The following SUGCT variants were observed in gnomAD, a reference collection of about 807,000 sequenced individuals.
SUGCT encodes succinyl-CoA:glutarate-CoA transferase.
Under a neutral mutation model 55.0 loss-of-function variants are expected in SUGCT, and 41 were observed. The ratio of observed to expected loss-of-function variants is 0.74; its 90% CI spans 0.58 to 0.97. The LOEUF is 0.97. Ranked by LOEUF, SUGCT falls within the 50% of genes least tolerant of loss-of-function variation. The pLI is 0.00. For synonymous variants in SUGCT, 187 were observed against 200.4 expected (o/e 0.93, Z 0.56); for missense variants, 568 against 547.8 (o/e 1.04, Z -0.37).
At position 40,318,608 on chromosome 7, in the gene SUGCT, T is replaced by C. The variant is rs1410175223; in HGVS notation, c.816+1753T>C. 2.6e-5 allele frequency among the ~76,000 whole-genome samples: 4 copies of C among 152,320 alleles called. No individual in the cohort carries two copies. In the East Asian group the frequency reaches 7.7e-4, roughly 29 times the overall value. On this transcript the variant is annotated intron_variant, in intron 9 of 13. Transcript: ENST00000335693. ...TGTGCCACCACGCCTGGCTAATTTT[T>C]GTATTTTTAGTAGAGACAGGGTTTC...
At chr7:40,574,018 T>C (rs1796589324) in intron 12 of SUGCT, among the ~76,000 whole-genome samples, 1 of 152,226 alleles carries the variant, frequency 6.6e-6, no homozygotes, top group African/African-American at 2.4e-5. Context: ...AGTCATATGT[T>C]ATATGAGCAC....
At chr7:40,337,319 CGTT>C (rs927484263) in intron 9 of SUGCT, among the ~76,000 whole-genome samples, 56 of 152,156 alleles carry the variant, frequency 3.7e-4, no homozygotes, top group African/African-American at 1.3e-3. Flanking sequence ...CTTTCTGTCT[CGTT>C]GATCTGTCTA....
chr7:40,989,440 T>C, the SUGCT span, among the ~76,000 whole-genome samples: 33 of 152,178 alleles, frequency 2.2e-4, no homozygotes, highest in African/African-American at 7.7e-4. Flanking sequence ...GTAGATTCCA[T>C]CTCAAGAAAC....
chr7:40,409,954 G>A (rs559258740), intron 9 of SUGCT, among the ~76,000 whole-genome samples: 1 of 152,182 alleles, frequency 6.6e-6, no homozygotes, highest in African/African-American at 2.4e-5. Flanking sequence ...AGCAAGTTTT[G>A]TAGATTTCTT....
At chr7:40,168,799 C>T (rs184278716) in intron 1 of SUGCT, among the ~76,000 whole-genome samples, 1 of 152,140 alleles carries the variant, frequency 6.6e-6, no homozygotes, top group Non-Finnish European at 1.5e-5. Flanking sequence ...CATTCTATTT[C>T]TTCTGCCGAG....
intron 12 of SUGCT, among the ~76,000 whole-genome samples, chr7:40,725,339 T>G (rs1197385808): frequency 1.3e-5 from 2 of 152,314 alleles, no homozygotes; most frequent in East Asian, 1.9e-4. Context: ...CCTTCTTTCT[T>G]TAGAGTATAC....
chr7:40,622,889 T>C (rs1799340191), intron 12 of SUGCT, among the ~76,000 whole-genome samples: 1 of 152,150 alleles, frequency 6.6e-6, no homozygotes, highest in Non-Finnish European at 1.5e-5. Flanking sequence ...GGTTTAAACC[T>C]TGGGCTAATA....
intron 3 of SUGCT, among the ~76,000 whole-genome samples, chr7:40,184,219 G>A (rs1246088045): frequency 6.6e-6 from 1 of 152,056 alleles, no homozygotes; most frequent in Non-Finnish European, 1.5e-5. Flanking sequence ...TCTCCAATAA[G>A]CACTTAAAGG....
chr7:40,175,403 A>G (rs1784877906), intron 1 of SUGCT, among the ~76,000 whole-genome samples: 1 of 152,116 alleles, frequency 6.6e-6, no homozygotes, highest in Admixed American at 6.5e-5. Context: ...TATTTTCAGT[A>G]GAGACAGGGT....
At chr7:40,927,084 G>C in the SUGCT span, among the ~76,000 whole-genome samples, 1 of 152,048 alleles carries the variant, frequency 6.6e-6, no homozygotes, top group South Asian at 2.1e-4. Flanking sequence ...GTGTCTCAAA[G>C]ACTATAAAAA....
At chr7:40,257,732 G>A (rs12668394) in intron 7 of SUGCT, among the ~76,000 whole-genome samples, 61,234 of 151,760 alleles carry the variant, frequency 0.4, 12,785 homozygotes, top group East Asian at 0.5. Context: ...AAAATTAGCC[G>A]GGCATGATGG....
intron 12 of SUGCT, among the ~76,000 whole-genome samples, chr7:40,537,242 A>C (rs753454079): frequency 1.3e-5 from 2 of 152,194 alleles, no homozygotes; most frequent in Non-Finnish European, 2.9e-5. Context: ...CTCTTTTGCT[A>C]TAGCTGCGTG....
At chr7:40,389,658 A>T (rs1308182306) in intron 9 of SUGCT, among the ~76,000 whole-genome samples, 1 of 152,158 alleles carries the variant, frequency 6.6e-6, no homozygotes, top group Non-Finnish European at 1.5e-5. Flanking sequence ...TATTTCACAT[A>T]TGAAGGGACT....
chr7:40,305,876 G>A (rs1794828357), intron 8 of SUGCT, among the ~76,000 whole-genome samples: 1 of 151,946 alleles, frequency 6.6e-6, no homozygotes, highest in African/African-American at 2.4e-5. Flanking sequence ...TATTGCCCAG[G>A]CTGATCTTGA....
the SUGCT span, among the ~76,000 whole-genome samples, chr7:40,993,418 C>A: frequency 2.6e-5 from 4 of 152,166 alleles, no homozygotes; most frequent in Non-Finnish European, 5.9e-5. Context: ...ACAAATGGAC[C>A]TGAGCTCAAA....
At chr7:40,577,479 A>G (rs1796833848) in intron 12 of SUGCT, among the ~76,000 whole-genome samples, 4 of 152,088 alleles carry the variant, frequency 2.6e-5, no homozygotes, top group Admixed American at 2.0e-4. Flanking sequence ...CTAGTCATGA[A>G]TGATCTCTTG....
At chr7:40,772,480 T>C (rs12701832) in intron 13 of SUGCT, among the ~76,000 whole-genome samples, 39,177 of 137,036 alleles carry the variant, frequency 0.29, 6,665 homozygotes, top group South Asian at 0.42. Context: ...TCCTTATGTG[T>C]CAATTCTTTT....
At chr7:40,969,520 AT>A in the SUGCT span, among the ~76,000 whole-genome samples, 33 of 151,076 alleles carry the variant, frequency 2.2e-4, no homozygotes, top group African/African-American at 7.0e-4. Context: ...TGGCTATTTT[AT>A]TTTTTTTTAA....
intron 11 of SUGCT, among the ~76,000 whole-genome samples, chr7:40,465,893 T>G (rs181503599): frequency 2.0e-5 from 3 of 151,840 alleles, no homozygotes; most frequent in Non-Finnish European, 2.9e-5. Flanking sequence ...ATAAATATAT[T>G]TTTTTTGAGA....
Sources: allele counts gnomAD v4.1 joint callset (sites outside exome capture counted in the v4.1 genomes callset), GRCh38; gene constraint gnomAD v4.1.1; transcripts MANE v1.5; gene names NCBI Gene and HGNC (gene_info 2026-07-23, HGNC 2026-07-21).